UBTD2: variants seen among roughly 807,000 people sequenced by gnomAD.
The protein encoded by UBTD2 is ubiquitin domain containing 2.
In UBTD2, 9 loss-of-function variants were observed where a neutral mutation model predicts 19.8. The observed-to-expected ratio is 0.46, with a 90% confidence interval of 0.27 to 0.79. The LOEUF (loss-of-function observed/expected upper bound fraction) is 0.79, where lower values mean the gene tolerates loss of function less well. Among genes scored for constraint, UBTD2 ranks in the 30% least tolerant of loss-of-function variants. The pLI is 0.14. For missense variants in UBTD2, 250 were observed against 300.4 expected, an observed-to-expected ratio of 0.83 and a Z score of 1.24; for synonymous variants, 98 against 103.9, an observed-to-expected ratio of 0.94 and a Z score of 0.35.
chr5:172,277,732 G>A (rs1012824639), intron 1 of UBTD2, among the ~76,000 whole-genome samples: 4 of 151,058 alleles, frequency 2.6e-5, no homozygotes, highest in Non-Finnish European at 4.4e-5. Context: ...CAACAACTTT[G>A]TACATGAAAG....
chr5:172,273,624 T>C, intron 1 of UBTD2, among the ~76,000 whole-genome samples: 1 of 144,094 alleles, frequency 6.9e-6, no homozygotes. Context: ...AAAAAAGGCT[T>C]TCCAACATAA....
intron 1 of UBTD2, chr5:172,254,964 T>G: frequency 1.8e-6 from 1 of 554,332 alleles, no homozygotes; most frequent in Non-Finnish European, 3.5e-6. Flanking sequence ...AGGTGACTCA[T>G]GTACATAAAG....
At chr5:172,255,030 T>C in intron 1 of UBTD2, 1 of 544,196 alleles carries the variant, frequency 1.8e-6, no homozygotes, top group Admixed American at 2.1e-5. Context: ...AGGCTCCATA[T>C]TCTGTGCCAG....
chr5:172,240,886 G>C (rs1213953581), intron 1 of UBTD2, among the ~76,000 whole-genome samples: 2 of 152,066 alleles, frequency 1.3e-5, no homozygotes, highest in African/African-American at 2.4e-5. Flanking sequence ...AGGAGTTCAA[G>C]ATCAGCCTGG....
chr5:172,217,406 G>A (rs1258083831), intron 2 of UBTD2, among the ~76,000 whole-genome samples: 3 of 133,486 alleles, frequency 2.2e-5, no homozygotes, highest in Admixed American at 7.7e-5. Context: ...GCGAAAGTGC[G>A]AGACTCTGTC....
chr5:172,262,203 A>C (rs904053415), intron 1 of UBTD2, among the ~76,000 whole-genome samples: 1 of 151,964 alleles, frequency 6.6e-6, no homozygotes, highest in Non-Finnish European at 1.5e-5. Flanking sequence ...TAATCCCAGC[A>C]CTTTGGGAGG....
At chr5:172,269,599 A>G (rs925722750) in intron 1 of UBTD2, among the ~76,000 whole-genome samples, 2 of 152,046 alleles carry the variant, frequency 1.3e-5, no homozygotes, top group African/African-American at 2.4e-5. Context: ...AGTCGCACAC[A>G]GCTAATGGAG....
At chr5:172,257,425 G>A (rs1755178716) in intron 1 of UBTD2, among the ~76,000 whole-genome samples, 2 of 152,178 alleles carry the variant, frequency 1.3e-5, no homozygotes, top group East Asian at 3.9e-4. Context: ...TTTGCTATTG[G>A]GAATGGTATA....
At chr5:172,267,478 A>G (rs1755400010) in intron 1 of UBTD2, among the ~76,000 whole-genome samples, 1 of 152,242 alleles carries the variant, frequency 6.6e-6, no homozygotes, top group South Asian at 2.1e-4. Context: ...ATGGATGTCT[A>G]GGTTCCACTA....
Position 172,229,174 on chromosome 5 carries a change from A to G in UBTD2, c.307+4948T>C, listed in dbSNP as rs191404487. Among the ~76,000 whole-genome samples, 659 of 152,246 alleles carry G rather than the reference A, an allele frequency of 4.3e-3. 3 individuals are homozygous for G. The highest frequency in any genetic ancestry group is 0.015 in the African/African-American group (638 of 41,544). The stretch of plus-strand genomic sequence containing the variant: ...AAAGCATGTTTGAGTAACAGGGAGT[A>G]GCTAGCTACTCCATCTATTCAAGGA... On this transcript the variant is annotated intron_variant, in intron 2 of 2. Coordinates refer to ENST00000393792, the MANE Select transcript of UBTD2 (RefSeq NM_152277.3).
At chr5:172,257,055 C>T (rs1755168971) in intron 1 of UBTD2, among the ~76,000 whole-genome samples, 1 of 152,056 alleles carries the variant, frequency 6.6e-6, no homozygotes, top group Non-Finnish European at 1.5e-5. Context: ...TTGAATGTCA[C>T]TGGGGTTTGG....
intron 2 of UBTD2, 128 bp from the exon 3 acceptor site, chr5:172,212,355 A>T (rs1311780801): frequency 1.0e-5 from 10 of 960,404 alleles, no homozygotes; most frequent in Admixed American, 3.0e-5. Flanking sequence ...CTCTCAGCTG[A>T]TCATCAATGA....
intron 1 of UBTD2, among the ~76,000 whole-genome samples, chr5:172,267,963 T>C (rs1233614344): frequency 1.3e-5 from 2 of 152,214 alleles, no homozygotes; most frequent in African/African-American, 4.8e-5. Flanking sequence ...TATGGTCCTA[T>C]TTAACAAAGC....
At position 172,231,028 on chromosome 5, in the gene UBTD2, C is replaced by T. The variant is rs577646870; in HGVS notation, c.307+3094G>A. Among the ~76,000 whole-genome samples, 31 of 152,272 alleles carry T rather than the reference C, an allele frequency of 2.0e-4. 1 individual carries two copies. The South Asian group carries it at 2.3e-3, about 11-fold the overall frequency. ...TCGATCTCCTGACCTCATGATCTGC[C>T]CGCCTCGGCCTCCCAAAGTGCTGGG... On this transcript the variant is annotated intron_variant, in intron 2 of 2. Coordinates refer to ENST00000393792, the MANE Select transcript of UBTD2 (RefSeq NM_152277.3).
At chr5:172,272,696 G>A (rs1037181309) in intron 1 of UBTD2, among the ~76,000 whole-genome samples, 2 of 152,142 alleles carry the variant, frequency 1.3e-5, no homozygotes, top group African/African-American at 4.8e-5. Flanking sequence ...GGACTCACCT[G>A]GGTAAAGTAG....
At chr5:172,282,376 AC>A (rs1755735494) in intron 1 of UBTD2, among the ~76,000 whole-genome samples, 1 of 152,170 alleles carries the variant, frequency 6.6e-6, no homozygotes, top group Admixed American at 6.6e-5. Context: ...CAAGTTATTT[AC>A]CCAGGATTTA....
chr5:172,255,498 C>A (rs1170879122), intron 1 of UBTD2: 3 of 343,482 alleles, frequency 8.7e-6, no homozygotes, highest in South Asian at 2.9e-5. Context: ...GGGACGCCGC[C>A]CACGAGAAAT....
intron 2 of UBTD2, among the ~76,000 whole-genome samples, chr5:172,227,085 G>A (rs143793965): frequency 5.9e-5 from 9 of 152,272 alleles, no homozygotes; most frequent in African/African-American, 2.2e-4. Flanking sequence ...GTGTAAAGCT[G>A]ATCTGGCTTT....
At chr5:172,226,326 A>AACC (rs1283624064) in intron 2 of UBTD2, among the ~76,000 whole-genome samples, 1 of 152,156 alleles carries the variant, frequency 6.6e-6, no homozygotes. Flanking sequence ...TGACAGAAGG[A>AACC]ACCATGGCTT....
Sources: allele counts gnomAD v4.1 joint callset (sites outside exome capture counted in the v4.1 genomes callset), GRCh38; gene constraint gnomAD v4.1.1; transcripts MANE v1.5; gene names NCBI Gene and HGNC (gene_info 2026-07-23, HGNC 2026-07-21).